The following RYR2 variants were observed in gnomAD, a reference collection of about 807,000 sequenced individuals.
RYR2 encodes ryanodine receptor 2.
RYR2 carries 227 observed loss-of-function variants against 601.1 expected under a neutral mutation model. That is an observed-to-expected ratio of 0.38 (90% confidence interval 0.34 to 0.42). The LOEUF (loss-of-function observed/expected upper bound fraction) is 0.42, where lower values mean the gene tolerates loss of function less well. Ranked by LOEUF, RYR2 falls within the 10% of genes least tolerant of loss-of-function variation. RYR2 has a pLI of 1.00. For missense variants in RYR2, 4,646 were observed against 6,156.5 expected (o/e 0.75, Z 8.21); for synonymous variants, 2,223 against 2,175.1 (o/e 1.02, Z -0.61).
chr1:237,213,050 G>T (rs578176169), intron 1 of RYR2, among the ~76,000 whole-genome samples: 1 of 152,182 alleles, frequency 6.6e-6, no homozygotes, highest in Non-Finnish European at 1.5e-5. Context: ...GGGATTACAG[G>T]CGTGAGCCAC....
Position 237,633,716 on chromosome 1 carries a change from TA to T in RYR2, c.6688+9del. 1 of 1,603,724 alleles carries T rather than the reference TA, an allele frequency of 6.2e-7. No homozygotes were observed. The highest frequency in any genetic ancestry group is 8.5e-7 in the Non-Finnish European group (1 of 1,174,478). On this transcript the variant is annotated splice_region_variant and intron_variant, in intron 43 of 104. Transcript: ENST00000366574. ...AAACAGCAGTGTTGGTCTTGGTAAG[TA>T]AATGACTTTTATTTCATCTTTAAGG...
Position 237,648,633 on chromosome 1 carries a change from C to A in RYR2, c.7512+20C>A. 6.3e-7 allele frequency: 1 copy of A among 1,599,010 alleles called. No homozygotes were observed. The highest frequency in any genetic ancestry group is 8.5e-7 in the Non-Finnish European group (1 of 1,171,402). ...GATACGGTGAGATTGGAGCGATGGA[C>A]TTCCTCCTCTCTTGACTCTTCACTC... On this transcript the variant is annotated intron_variant, in intron 49 of 104. Transcript: ENST00000366574.
At chr1:237,254,294 A>T (rs1225592380) in intron 1 of RYR2, among the ~76,000 whole-genome samples, 3 of 152,204 alleles carry the variant, frequency 2.0e-5, no homozygotes, top group African/African-American at 7.2e-5. Flanking sequence ...GTTGTGCAAT[A>T]CAAGAAAGAA....
At chr1:237,207,747 A>G (rs1377220044) in intron 1 of RYR2, among the ~76,000 whole-genome samples, 1 of 152,210 alleles carries the variant, frequency 6.6e-6, no homozygotes, top group African/African-American at 2.4e-5. Context: ...AGACACCACT[A>G]GTAGAATAGC....
At chr1:237,712,184 C>T (rs59623121) in intron 71 of RYR2, among the ~76,000 whole-genome samples, 27,103 of 151,862 alleles carry the variant, frequency 0.18, 3,028 homozygotes, top group East Asian at 0.57. Context: ...GAGCTTGCCT[C>T]GTGGTCTCCA....
intron 60 of RYR2, among the ~76,000 whole-genome samples, chr1:237,676,402 G>T (rs1001872850): frequency 6.6e-6 from 1 of 152,112 alleles, no homozygotes; most frequent in Non-Finnish European, 1.5e-5. Flanking sequence ...CTACCCACTT[G>T]ACACATTTCA....
chr1:237,514,247 C>T (rs552539645), intron 24 of RYR2, among the ~76,000 whole-genome samples: 2 of 152,308 alleles, frequency 1.3e-5, no homozygotes, highest in African/African-American at 4.8e-5. Context: ...CAATTGACAG[C>T]TAAGCCAGCT....
chr1:237,755,234 A>T, intron 80 of RYR2: 2 of 461,964 alleles, frequency 4.3e-6, no homozygotes, highest in South Asian at 2.3e-5. Context: ...ATATTCTGTA[A>T]CTAGCAAGCC....
At chr1:237,314,306 C>T (rs1162507576) in intron 2 of RYR2, among the ~76,000 whole-genome samples, 1 of 152,054 alleles carries the variant, frequency 6.6e-6, no homozygotes, top group Admixed American at 6.5e-5. Flanking sequence ...CCTCATGATC[C>T]ACCTGCCTCA....
intron 67 of RYR2, among the ~76,000 whole-genome samples, chr1:237,705,549 T>A (rs1473136082): frequency 6.6e-6 from 1 of 152,056 alleles, no homozygotes; most frequent in Non-Finnish European, 1.5e-5. Flanking sequence ...AATCAGAATA[T>A]GTGGTAATTC....
At chr1:237,776,307 A>ATATC (rs1280697475) in intron 87 of RYR2, among the ~76,000 whole-genome samples, 1 of 152,194 alleles carries the variant, frequency 6.6e-6, no homozygotes, top group Non-Finnish European at 1.5e-5. Flanking sequence ...TAAAGCTACT[A>ATATC]TATCTGGTAC....
intron 24 of RYR2, among the ~76,000 whole-genome samples, chr1:237,525,020 G>T (rs71642897): frequency 0.057 from 8,595 of 152,124 alleles, 297 homozygotes; most frequent in Middle Eastern, 0.17. Flanking sequence ...TATGTGCGTT[G>T]TTACATAGGT....
chr1:237,729,643 A>G (rs972808783), intron 76 of RYR2, among the ~76,000 whole-genome samples: 5 of 152,052 alleles, frequency 3.3e-5, no homozygotes, highest in African/African-American at 9.7e-5. Flanking sequence ...TCTTATCCAC[A>G]TCTCTTACTA....
intron 17 of RYR2, among the ~76,000 whole-genome samples, chr1:237,483,338 T>A (rs1316362839): frequency 6.6e-6 from 1 of 152,226 alleles, no homozygotes; most frequent in Non-Finnish European, 1.5e-5. Flanking sequence ...TACATCACGT[T>A]GCTTTGATCC....
rs886524806 is a variant in RYR2 at position 237,770,815 on chromosome 1, G to A, written c.11485G>A (p.Val3829Ile). ...CTCTGGATTTCCCACAGGAGAAAAG[G>A]TTCTGCAGGACGATGAGTTCACCTG... ...MVTEEGSGEK[V>I]LQDDEFTCDL... is the part of the protein sequence containing the mutation. Residue 3829 changes from valine (V) to isoleucine (I), a missense_variant, in exon 85 of 105, where the codon GTT becomes ATT. Physicochemically the swap from Val to Ile is conservative, Grantham distance 29. Transcript: ENST00000366574. 4 of 1,552,004 alleles carry A rather than the reference G, an allele frequency of 2.6e-6. No individual in the cohort carries two copies. Among genetic ancestry groups the A allele is most frequent in the Non-Finnish European group, 3.5e-6 (4 of 1,146,326 alleles).
intron 1 of RYR2, among the ~76,000 whole-genome samples, chr1:237,252,486 C>T (rs564162320): frequency 1.3e-5 from 2 of 152,296 alleles, no homozygotes; most frequent in Admixed American, 6.5e-5. Context: ...CACGAGCTGA[C>T]ATTACATTTT....
At chr1:237,561,486 T>C (rs71642898) in intron 27 of RYR2, among the ~76,000 whole-genome samples, 6,626 of 152,132 alleles carry the variant, frequency 0.044, 246 homozygotes, top group Admixed American at 0.096. Flanking sequence ...GTTGAAAGGA[T>C]CAAAATTTCA....
chr1:237,699,075 G>A, intron 64 of RYR2, 50 bp downstream of exon 64: 2 of 849,570 alleles, frequency 2.4e-6, no homozygotes, highest in Non-Finnish European at 3.8e-6. Context: ...AATGATACAT[G>A]TATATATATA....
At chr1:237,708,513 C>T (rs1394098377) in intron 68 of RYR2, among the ~76,000 whole-genome samples, 1 of 152,174 alleles carries the variant, frequency 6.6e-6, no homozygotes, top group African/African-American at 2.4e-5. Context: ...TGTAGCAGAG[C>T]TTGTCCCTAT....
Sources: allele counts gnomAD v4.1 joint callset (sites outside exome capture counted in the v4.1 genomes callset), GRCh38; gene constraint gnomAD v4.1.1; transcripts MANE v1.5; gene names NCBI Gene and HGNC (gene_info 2026-07-23, HGNC 2026-07-21).